Variants in ASCC3 observed in about 807,000 individuals in gnomAD.
ASCC3 encodes ASC-1 complex subunit P200.
A neutral mutation model predicts 256.3 loss-of-function variants in ASCC3; 158 were observed. The ratio of observed to expected loss-of-function variants is 0.62; its 90% CI spans 0.54 to 0.70. The LOEUF is 0.70. Among genes scored for constraint, ASCC3 ranks in the 30% least tolerant of loss-of-function variants. ASCC3 has a pLI of 0.00. For synonymous variants in ASCC3, 948 were observed against 883.4 expected (o/e 1.07, Z -1.30); for missense variants, 2,259 against 2,626.0 (o/e 0.86, Z 3.05).
At chr6:100,742,530 G>A (rs1008077767) in intron 10 of ASCC3, among the ~76,000 whole-genome samples, 9 of 152,196 alleles carry the variant, frequency 5.9e-5, no homozygotes, top group African/African-American at 2.2e-4. Context: ...TCCATCCCAG[G>A]GAGAGATCAG....
At chr6:100,548,221 T>G (rs1769090587) in intron 36 of ASCC3, among the ~76,000 whole-genome samples, 1 of 151,972 alleles carries the variant, frequency 6.6e-6, no homozygotes. Context: ...GATTCTTGTC[T>G]ATGAAATAAG....
intron 8 of ASCC3, among the ~76,000 whole-genome samples, chr6:100,773,258 T>C (rs953210815): frequency 6.6e-6 from 1 of 152,158 alleles, no homozygotes; most frequent in African/African-American, 2.4e-5. Flanking sequence ...CTATTATTAT[T>C]ACTATCATAT....
intron 4 of ASCC3, among the ~76,000 whole-genome samples, chr6:100,819,155 G>A (rs1399263973): frequency 6.6e-6 from 1 of 151,056 alleles, no homozygotes; most frequent in Non-Finnish European, 1.5e-5. Context: ...TCACACATGG[G>A]AGCCTGTCGG....
intron 34 of ASCC3, among the ~76,000 whole-genome samples, chr6:100,598,105 C>T (rs568463033): frequency 6.6e-6 from 1 of 151,998 alleles, no homozygotes; most frequent in Admixed American, 6.6e-5. Context: ...GAGGGTACTG[C>T]AGGCAAGAAG....
intron 3 of ASCC3, chr6:100,856,498 T>C: frequency 2.4e-6 from 2 of 836,798 alleles, no homozygotes; most frequent in Non-Finnish European, 2.9e-6. Flanking sequence ...TTATTGAATA[T>C]AACAAGAAAA....
At chr6:100,627,082 G>T (rs1375000930) in intron 29 of ASCC3, among the ~76,000 whole-genome samples, 1 of 151,990 alleles carries the variant, frequency 6.6e-6, no homozygotes, top group African/African-American at 2.4e-5. Context: ...ATTTTTAATT[G>T]ATATAATAAA....
intron 11 of ASCC3, among the ~76,000 whole-genome samples, chr6:100,724,824 T>C (rs556094634): frequency 8.7e-4 from 133 of 152,014 alleles, no homozygotes; most frequent in African/African-American, 3.1e-3. Flanking sequence ...GAGGGTCACA[T>C]TAGGGACACA....
At chr6:100,687,401 C>T (rs984155554) in intron 13 of ASCC3, among the ~76,000 whole-genome samples, 1 of 151,980 alleles carries the variant, frequency 6.6e-6, no homozygotes, top group African/African-American at 2.4e-5. Context: ...CTCGCTCTGT[C>T]GCCAGGCTGG....
In ASCC3 at chr6:100,817,193, T is replaced by C. The variant is rs186717206; in HGVS notation, c.802-11313A>G. 2.3e-3 allele frequency among the ~76,000 whole-genome samples: 350 copies of C among 151,788 alleles called. 5 individuals carry two copies. Among genetic ancestry groups the C allele is most frequent in the Admixed American group, 1.4e-3 (22 of 15,234 alleles). On this transcript the variant is annotated intron_variant, in intron 4 of 41. Transcript: ENST00000369162. ...AACTAGAAATCAGTAACCAAAAACA[T>C]TGGAAAACTTACAAATACGTGTTAA... is the stretch of plus-strand genomic sequence containing the variant.
intron 32 of ASCC3, 21 bp downstream of exon 32, chr6:100,606,719 C>T (rs557516971): frequency 1.3e-6 from 2 of 1,585,424 alleles, no homozygotes; most frequent in Admixed American, 1.8e-5. Flanking sequence ...TCATGTATTT[C>T]TGTGAATTTA....
At chr6:100,863,737 TCCAGAGTAGCTGGGACTACAAGTGCACA>T (rs1773336555) in intron 3 of ASCC3, among the ~76,000 whole-genome samples, 1 of 152,078 alleles carries the variant, frequency 6.6e-6, no homozygotes, top group African/African-American at 2.4e-5. Flanking sequence ...CACATCAGCC[TCCAGAGTAGCTGGGACTACAAGTGCACA>T]CCACCACACC....
intron 8 of ASCC3, among the ~76,000 whole-genome samples, chr6:100,791,590 G>A (rs1055725052): frequency 1.3e-5 from 2 of 151,954 alleles, no homozygotes; most frequent in East Asian, 1.9e-4. Context: ...CAAGTCTCAT[G>A]TTCTCCAAGA....
intron 5 of ASCC3, among the ~76,000 whole-genome samples, chr6:100,804,034 A>G (rs1484396063): frequency 6.6e-6 from 1 of 152,188 alleles, no homozygotes; most frequent in East Asian, 1.9e-4. Context: ...TTTTAAGTCA[A>G]GCTTTTATAA....
chr6:100,697,280 G>C (rs973694088), intron 13 of ASCC3, among the ~76,000 whole-genome samples: 12 of 151,990 alleles, frequency 7.9e-5, no homozygotes, highest in African/African-American at 2.9e-4. Flanking sequence ...AAAGCAACTT[G>C]TATTAGCTAT....
intron 12 of ASCC3, among the ~76,000 whole-genome samples, chr6:100,716,964 T>C (rs1004358743): frequency 6.6e-6 from 1 of 151,872 alleles, no homozygotes; most frequent in African/African-American, 2.4e-5. Flanking sequence ...CCTACTGATA[T>C]GTTAAAAATG....
At chr6:100,695,491 G>A (rs997422631) in intron 13 of ASCC3, among the ~76,000 whole-genome samples, 1 of 152,114 alleles carries the variant, frequency 6.6e-6, no homozygotes, top group African/African-American at 2.4e-5. Context: ...GGCCTTCTGA[G>A]TAATAGAAAC....
chr6:100,531,804 C>T (rs563442531), intron 37 of ASCC3, among the ~76,000 whole-genome samples: 15 of 152,046 alleles, frequency 9.9e-5, no homozygotes, highest in Non-Finnish European at 1.5e-4. Flanking sequence ...AGAAAATGCC[C>T]GCATAATGTA....
chr6:100,725,991 TAA>T (rs199692955), intron 10 of ASCC3, among the ~76,000 whole-genome samples: 6 of 129,996 alleles, frequency 4.6e-5, no homozygotes, highest in East Asian at 4.3e-4. Flanking sequence ...TCTTACAATG[TAA>T]AAAAAAAAAA....
intron 4 of ASCC3, among the ~76,000 whole-genome samples, chr6:100,814,790 C>A (rs1770660487): frequency 6.6e-6 from 1 of 151,956 alleles, no homozygotes. Flanking sequence ...TGGTGATATT[C>A]CCCTTATTCT....
Sources: allele counts gnomAD v4.1 joint callset (sites outside exome capture counted in the v4.1 genomes callset), GRCh38; gene constraint gnomAD v4.1.1; transcripts MANE v1.5; gene names NCBI Gene and HGNC (gene_info 2026-07-23, HGNC 2026-07-21).